The following RNF130 variants were observed in gnomAD, a reference collection of about 807,000 sequenced individuals.
The protein encoded by RNF130 is E3 ubiquitin-protein ligase RNF130.
In RNF130, 21 loss-of-function variants were observed where a neutral mutation model predicts 44.6. The observed-to-expected ratio is 0.47, with a 90% CI of 0.33 to 0.68. The LOEUF (loss-of-function observed/expected upper bound fraction) is 0.68, where lower values mean the gene tolerates loss of function less well. Among genes scored for constraint, RNF130 ranks in the 30% least tolerant of loss-of-function variants. RNF130 has a pLI of 0.02. For synonymous variants in RNF130, 214 were observed against 210.4 expected (o/e 1.02, Z -0.15); for missense variants, 479 against 560.6 (o/e 0.85, Z 1.47).
At chr5:180,055,455 T>TGTGTGC (rs1561709839) in intron 1 of RNF130, among the ~76,000 whole-genome samples, 74 of 146,784 alleles carry the variant, frequency 5.0e-4, no homozygotes, top group South Asian at 8.4e-4. Context: ...TGTGTGTGCG[T>TGTGTGC]GTGTGTGTGT....
chr5:179,911,913 T>G (rs996831398), exon 8 of RNF130: 7 of 152,232 alleles, frequency 4.6e-5, no homozygotes, highest in African/African-American at 1.7e-4. Flanking sequence ...GGCCCGAAAC[T>G]GAGCTAATCG....
chr5:180,055,077 TC>T (rs1287372825), intron 1 of RNF130, among the ~76,000 whole-genome samples: 1 of 151,804 alleles, frequency 6.6e-6, no homozygotes, highest in Non-Finnish European at 1.5e-5. Flanking sequence ...GAGTGGTGGC[TC>T]ACACCTGTAA....
At chr5:180,060,061 G>A (rs979469829) in intron 1 of RNF130, among the ~76,000 whole-genome samples, 1 of 152,192 alleles carries the variant, frequency 6.6e-6, no homozygotes, top group African/African-American at 2.4e-5. Flanking sequence ...ACTTGAAGAT[G>A]GGGGAAGGGG....
rs575760349 is a variant in RNF130, at chr5:180,013,203, C to T, written c.551G>A (p.Arg184Gln). The T allele has an allele frequency of 5.0e-5, 80 of 1,614,146 alleles. No individual in the cohort carries two copies. The South Asian group carries it at 5.9e-4, about 12-fold the overall frequency. The change falls in exon 3 of 9, where the codon CGA (arginine) becomes CAA (glutamine). Residue 184 changes from arginine to glutamine, a missense_variant. By Grantham distance (43) the Arg-to-Gln change is conservative. Around this residue, in one of 3 missense-constraint regions of RNF130, gnomAD observed 180 missense variants for 275.1 expected, o/e 0.65. Coordinates refer to ENST00000521389, the MANE Select transcript of RNF130 (RefSeq NM_018434.6). ...ACGGCTGAAGTTCTTCGGTGGCATTCGAGTTCCAACAGCTATTGTCATTTG... is the reference window on the plus strand; with the variant it reads ...ACGGCTGAAGTTCTTCGGTGGCATTTGAGTTCCAACAGCTATTGTCATTTG... The part of the protein sequence containing the change: ...SVQMTIAVGT[R>Q]MPPKNFSRGS...
intron 3 of RNF130, among the ~76,000 whole-genome samples, chr5:180,012,640 A>G (rs1209354128): frequency 1.3e-5 from 2 of 152,194 alleles, no homozygotes; most frequent in Non-Finnish European, 2.9e-5. Flanking sequence ...CATTTTCTGA[A>G]TAGATAATAC....
intron 7 of RNF130, among the ~76,000 whole-genome samples, chr5:179,965,662 A>C (rs1762425737): frequency 6.6e-6 from 1 of 152,206 alleles, no homozygotes; most frequent in African/African-American, 2.4e-5. Flanking sequence ...CCAAAGTAAG[A>C]AAACCATGAA....
exon 8 of RNF130, chr5:179,916,118 C>T (rs1004327810): frequency 2.6e-5 from 4 of 152,202 alleles, no homozygotes; most frequent in African/African-American, 9.6e-5. Context: ...CACACTGTCA[C>T]TTGCCAGTGG....
At chr5:179,954,215 A>G (rs1045754357), downstream of RNF130, among the ~76,000 whole-genome samples, 18 of 152,240 alleles carry the variant, frequency 1.2e-4, no homozygotes, top group African/African-American at 4.3e-4. Flanking sequence ...ACATAGAGTT[A>G]TAACATAATC....
chr5:179,989,455 T>C (rs1763028766), intron 3 of RNF130, among the ~76,000 whole-genome samples: 1 of 152,248 alleles, frequency 6.6e-6, no homozygotes, highest in African/African-American at 2.4e-5. Flanking sequence ...TATAAATATT[T>C]TGAATTGTCA....
intron 2 of RNF130, among the ~76,000 whole-genome samples, chr5:180,024,081 T>C (rs1056210781): frequency 1.1e-4 from 17 of 152,174 alleles, no homozygotes; most frequent in African/African-American, 4.1e-4. Context: ...CTATCAAACA[T>C]GTCCCAGTTG....
intron 2 of RNF130, among the ~76,000 whole-genome samples, chr5:180,022,198 T>C (rs1763890331): frequency 6.6e-6 from 1 of 152,232 alleles, no homozygotes. Context: ...TCCAGGCATG[T>C]GCACTGTGAA....
intron 7 of RNF130, chr5:179,933,905 T>A: frequency 1.6e-6 from 1 of 622,436 alleles, no homozygotes; most frequent in Non-Finnish European, 2.9e-6. Flanking sequence ...GAATCCAAAC[T>A]GTCAGAATGG....
At chr5:179,948,629 C>CCACTG (rs1762080652) in intron 7 of RNF130, among the ~76,000 whole-genome samples, 1 of 152,076 alleles carries the variant, frequency 6.6e-6, no homozygotes, top group African/African-American at 2.4e-5. Flanking sequence ...CGAGATCACG[C>CCACTG]CACTGCATTC....
chr5:179,969,368 C>G (rs1015705664), intron 6 of RNF130, among the ~76,000 whole-genome samples: 2 of 151,698 alleles, frequency 1.3e-5, no homozygotes, highest in Non-Finnish European at 2.9e-5. Flanking sequence ...ACTTACCAAC[C>G]CTCAAGAGAT....
At chr5:180,020,796 G>C (rs921569214) in intron 2 of RNF130, among the ~76,000 whole-genome samples, 3 of 152,120 alleles carry the variant, frequency 2.0e-5, no homozygotes, top group Non-Finnish European at 2.9e-5. Flanking sequence ...AGGCAGAAGG[G>C]GGGTGGGCAC....
chr5:180,019,308 C>T (rs1284988731), intron 2 of RNF130, among the ~76,000 whole-genome samples: 1 of 150,966 alleles, frequency 6.6e-6, no homozygotes, highest in Non-Finnish European at 1.5e-5. Context: ...GGCATGAACC[C>T]GGGAGGCGGA....
intron 2 of RNF130, among the ~76,000 whole-genome samples, chr5:180,017,387 T>C (rs1763765601): frequency 6.6e-6 from 1 of 152,184 alleles, no homozygotes. Flanking sequence ...TGTAAATAAA[T>C]GTTTTCCTCT....
At position 179,966,913 on chromosome 5, in the gene RNF130, C is replaced by A. The variant is rs752186568; in HGVS notation, c.1043G>T (p.Gly348Val). Residue 348 changes from glycine (G) to valine (V), a missense_variant, in exon 7 of 9, where the codon GGC becomes GTC. Transcript: ENST00000521389. ...NRRSALGDLA[G>V]DNSLGLEPLR... ...TGGCTCAAGGCCAAGGGAGTTGTCG[C>A]CGGCGAGGTCGCCGAGGGCTGATCT... is the stretch of plus-strand genomic sequence containing the variant. 1.2e-6 allele frequency: 2 copies of A among 1,614,220 alleles called. No individual in the cohort carries two copies. The highest frequency in any genetic ancestry group is 2.2e-5 in the East Asian group (1 of 44,888).
intron 7 of RNF130, among the ~76,000 whole-genome samples, chr5:179,946,684 G>C (rs1762046240): frequency 6.6e-6 from 1 of 151,876 alleles, no homozygotes; most frequent in South Asian, 2.1e-4. Flanking sequence ...CTCCCGAGTA[G>C]CTGGGACTAC....
Sources: gnomAD v4.1 joint callset for allele counts (sites outside exome capture counted in the v4.1 genomes callset) on GRCh38, gnomAD v4.1.1 for gene constraint, gnomAD v4.1.1 regional missense constraint, MANE v1.5 for transcripts, NCBI Gene and HGNC (gene_info 2026-07-23, HGNC 2026-07-21) for gene names.